ITGA6: variants seen among roughly 807,000 people sequenced by gnomAD.
ITGA6 encodes integrin alpha-6.
Under a neutral mutation model 133.6 loss-of-function variants are expected in ITGA6, and 63 were observed. That is an observed-to-expected ratio of 0.47 (90% CI 0.38 to 0.58). The LOEUF is 0.58. ITGA6 is among the 20% of genes least tolerant of loss of function. ITGA6 has a pLI of 0.00. For synonymous variants in ITGA6, 434 were observed against 482.0 expected (o/e 0.90, Z 1.30); for missense variants, 1,068 against 1,309.4 (o/e 0.82, Z 2.85).
chr2:172,452,069 T>C (rs1356625919), intron 1 of ITGA6, among the ~76,000 whole-genome samples: 1 of 151,108 alleles, frequency 6.6e-6, no homozygotes, highest in Non-Finnish European at 1.5e-5. Context: ...GGATTTCTTG[T>C]AGATGTTGTA....
chr2:172,449,826 C>T (rs918609738), intron 1 of ITGA6, among the ~76,000 whole-genome samples: 3 of 144,604 alleles, frequency 2.1e-5, no homozygotes, highest in Non-Finnish European at 3.0e-5. Flanking sequence ...GAGGCTGAGG[C>T]GGGAGAATTG....
intron 1 of ITGA6, among the ~76,000 whole-genome samples, chr2:172,449,084 A>C (rs1373852524): frequency 2.0e-5 from 3 of 151,960 alleles, no homozygotes; most frequent in Non-Finnish European, 4.4e-5. Context: ...TGAAAGGAGG[A>C]GGGGCAGCTC....
At chr2:172,430,801 G>C (rs1684074551) in intron 1 of ITGA6, among the ~76,000 whole-genome samples, 1 of 152,156 alleles carries the variant, frequency 6.6e-6, no homozygotes, top group Non-Finnish European at 1.5e-5. Flanking sequence ...CAGCCAAGTT[G>C]GTCCGCCGAG....
chr2:172,451,228 G>C (rs1479624362), intron 1 of ITGA6, among the ~76,000 whole-genome samples: 1 of 151,560 alleles, frequency 6.6e-6, no homozygotes, highest in Non-Finnish European at 1.5e-5. Context: ...ACTTTGGGAG[G>C]CCAAGGCCGG....
At chr2:172,499,375 T>C (rs1286651604) in intron 24 of ITGA6, among the ~76,000 whole-genome samples, 3 of 151,800 alleles carry the variant, frequency 2.0e-5, no homozygotes, top group Admixed American at 2.0e-4. Context: ...AAAAAAAATT[T>C]TTTTTGAGAC....
chr2:172,453,003 T>C (rs1014800987), intron 1 of ITGA6, among the ~76,000 whole-genome samples: 1 of 152,182 alleles, frequency 6.6e-6, no homozygotes, highest in African/African-American at 2.4e-5. Flanking sequence ...ATAAGTCTAG[T>C]TAAGGCAGGG....
intron 1 of ITGA6, chr2:172,428,571 T>TG (rs1683974146): frequency 1.1e-5 from 1 of 87,736 alleles, no homozygotes; most frequent in Non-Finnish European, 2.4e-5. Flanking sequence ...AAGATGGGGG[T>TG]GGGGGCGGGA....
chr2:172,432,357 G>T (rs1684137012), intron 1 of ITGA6, among the ~76,000 whole-genome samples: 2 of 152,232 alleles, frequency 1.3e-5, no homozygotes, highest in South Asian at 4.1e-4. Flanking sequence ...TTTAGGACAT[G>T]ATCTAATCTC....
At chr2:172,430,469 G>A (rs907510233) in intron 1 of ITGA6, among the ~76,000 whole-genome samples, 1 of 152,190 alleles carries the variant, frequency 6.6e-6, no homozygotes, top group African/African-American at 2.4e-5. Flanking sequence ...TATAACAAAA[G>A]TGAGTTTAAT....
chr2:172,427,450 T>A (rs1246431369), upstream of ITGA6: 10 of 1,031,496 alleles, frequency 9.7e-6, no homozygotes, highest in Non-Finnish European at 1.1e-5. Context: ...ACCGGGCAGC[T>A]GGAGACGCCA....
At chr2:172,448,136 G>A (rs2149012068) in intron 1 of ITGA6, among the ~76,000 whole-genome samples, 1 of 152,226 alleles carries the variant, frequency 6.6e-6, no homozygotes, top group Non-Finnish European at 1.5e-5. Context: ...ATTTTGGGAA[G>A]GCCAGGATAA....
In ITGA6 at chr2:172,471,068, T is replaced by G. The variant is rs370702437; in HGVS notation, c.738T>G (p.Asp246Glu). 1 of 1,614,202 alleles carries G rather than the reference T, an allele frequency of 6.2e-7. No homozygotes were observed. The highest frequency in any genetic ancestry group is 8.5e-7 in the Non-Finnish European group (1 of 1,180,002). ...AAGTTGGTGGAGAGACTGAGCATGA[T>G]GAAAGTCTCGTTCCTGTTCCTGCTA... is the stretch of plus-strand genomic sequence containing the variant. ...PYEVGGETEH[D>E]ESLVPVPANS... Residue 246 changes from aspartate (D) to glutamate (E), a missense_variant, in exon 5 of 26, where the codon GAT becomes GAG. Asp to Glu is a conservative substitution (Grantham distance 45). Around this residue, in one of 3 missense-constraint regions of ITGA6, gnomAD observed 317 missense variants for 456.9 expected, o/e 0.69. Transcript: ENST00000684293.
chr2:172,477,886 A>G (rs572529836), intron 9 of ITGA6, among the ~76,000 whole-genome samples: 3 of 152,226 alleles, frequency 2.0e-5, no homozygotes, highest in African/African-American at 4.8e-5. Context: ...ACTAAATTGT[A>G]CTAGCACTTC....
chr2:172,505,219 G>A lies in ITGA6; in HGVS notation c.*1151G>A, dbSNP rs1455441187. 2.6e-5 allele frequency: 4 copies of A among 152,450 alleles called. No individual in the cohort carries two copies. Among genetic ancestry groups the A allele is most frequent in the African/African-American group, 9.7e-5 (4 of 41,434 alleles). 9.4% of individuals were successfully genotyped at this position (152,450 alleles called of 1,614,324 possible). A position where few individuals can be genotyped will look rare whatever the true frequency, so the allele number is the denominator to read the frequency against. ...TTTTTACTTTAGAAGCCTGCATAAT[G>A]TTTCTGGATTTCATACTGTAACATT... On this transcript the variant is annotated 3_prime_UTR_variant, in exon 26 of 26. Coordinates refer to ENST00000684293, the MANE Select transcript of ITGA6 (RefSeq NM_000210.4).
In ITGA6 at chr2:172,506,359, G is replaced by A. The variant is rs146711542; in HGVS notation, c.*2291G>A. The A allele has an allele frequency of 4.6e-5, 7 of 152,396 alleles. No individual in the cohort carries two copies. Among genetic ancestry groups the A allele is most frequent in the Middle Eastern group, 3.4e-3 (1 of 292 alleles). The allele number at this position is 152,396 out of a possible 1,614,324, so 9.4% of individuals were successfully genotyped here. On this transcript the variant is annotated 3_prime_UTR_variant, in exon 26 of 26. Transcript: ENST00000684293. ...TACTAGTGCCAAAGCAATGGGATTC[G>A]GGGTTTTTTTCTGTTTTCGCTCTAT...
At chr2:172,434,701 C>T (rs894156536) in intron 1 of ITGA6, among the ~76,000 whole-genome samples, 3 of 152,148 alleles carry the variant, frequency 2.0e-5, no homozygotes, top group East Asian at 3.9e-4. Context: ...GACATGGAGC[C>T]GTGGGTATCT....
intron 1 of ITGA6, among the ~76,000 whole-genome samples, chr2:172,431,167 A>C (rs1309241579): frequency 1.3e-5 from 2 of 152,120 alleles, no homozygotes; most frequent in African/African-American, 4.8e-5. Context: ...CTTTTCTCAG[A>C]CTTGTCATGT....
In ITGA6 at chr2:172,487,359, C is replaced by T. The variant is rs960368364; in HGVS notation, c.2066C>T (p.Thr689Ile). The T allele has an allele frequency of 2.5e-6, 4 of 1,614,062 alleles. No homozygotes were observed. Among genetic ancestry groups the T allele is most frequent in the Admixed American group, 3.3e-5 (2 of 60,028 alleles). The change falls in exon 15 of 26, where the codon ACA becomes ATA. Residue 689 changes from threonine to isoleucine, a missense_variant. Physicochemically the swap from Thr to Ile is moderately conservative, Grantham distance 89 (BLOSUM62 -1). Transcript: ENST00000684293. ...AGCCCTTCCAACCCAAGGAATCCCA[C>T]AAAAGATGGCGATGACGCCCATGAG... ...TNSPSNPRNPTKDGDDAHEAK... is the reference protein window; with the variant it reads ...TNSPSNPRNPIKDGDDAHEAK...
intron 11 of ITGA6, 72 bp from the exon 12 acceptor site, chr2:172,484,710 A>C: frequency 8.1e-7 from 1 of 1,231,144 alleles, no homozygotes; most frequent in Non-Finnish European, 1.2e-6. Flanking sequence ...AAATCTTAAA[A>C]GGAGTTCAAC....
Sources: gnomAD v4.1 joint callset for allele counts (sites outside exome capture counted in the v4.1 genomes callset) on GRCh38, gnomAD v4.1.1 for gene constraint, gnomAD v4.1.1 regional missense constraint, MANE v1.5 for transcripts, NCBI Gene and HGNC (gene_info 2026-07-23, HGNC 2026-07-21) for gene names.